Variants in PPM1B observed in about 807,000 individuals in gnomAD.
PPM1B encodes the protein protein phosphatase, Mg2+/Mn2+ dependent 1B, also known as protein phosphatase 1B.
PPM1B carries 22 observed loss-of-function variants against 43.0 expected under a neutral mutation model. The observed-to-expected ratio is 0.51, with a 90% CI of 0.37 to 0.73. The LOEUF is 0.73. Ranked by LOEUF, PPM1B falls within the 30% of genes least tolerant of loss-of-function variation. The probability of loss-of-function intolerance (pLI) is 0.00; values close to 1 mark genes in which losing one functional copy is unlikely to be tolerated. For missense variants in PPM1B, 632 were observed against 584.2 expected, an observed-to-expected ratio of 1.08 and a Z score of -0.84; for synonymous variants, 217 against 197.9, an observed-to-expected ratio of 1.10 and a Z score of -0.81.
chr2:44,209,500 G>A, intron 3 of PPM1B, 173 bp downstream of exon 3: 1 of 775,796 alleles, frequency 1.3e-6, no homozygotes, highest in South Asian at 2.1e-5. Flanking sequence ...AAAATTTCCT[G>A]GTCAGGCGCA....
chr2:44,184,204 C>G (rs548269537), intron 1 of PPM1B, among the ~76,000 whole-genome samples: 2 of 152,328 alleles, frequency 1.3e-5, no homozygotes, highest in South Asian at 2.1e-4. Flanking sequence ...CAATTCTTAG[C>G]ACACAGAAAA....
Position 44,231,257 on chromosome 2 carries a change from T to C in PPM1B, c.*539T>C, listed in dbSNP as rs1399391568. ...TTTTACATCTCTGTAGTTTTATTTT[T>C]AGAAGTTGTGAGATATTGGATGTGT... On this transcript the variant is annotated 3_prime_UTR_variant, in exon 6 of 6. Coordinates refer to ENST00000282412, the MANE Select transcript of PPM1B (RefSeq NM_002706.6). 19 of 978,650 alleles carry C rather than the reference T, an allele frequency of 1.9e-5. No homozygotes were observed. Among genetic ancestry groups the C allele is most frequent in the Non-Finnish European group, 2.3e-5 (19 of 823,834 alleles). The allele number at this position is 978,650 out of a possible 1,614,324, so 60.6% of individuals were successfully genotyped here.
At chr2:44,175,218 C>T (rs1667525387) in intron 1 of PPM1B, among the ~76,000 whole-genome samples, 1 of 152,136 alleles carries the variant, frequency 6.6e-6, no homozygotes, top group Non-Finnish European at 1.5e-5. Flanking sequence ...CGCGCCACTG[C>T]ATTCCAGCCT....
At chr2:44,204,777 T>C (rs1325924471) in intron 2 of PPM1B, among the ~76,000 whole-genome samples, 1 of 143,178 alleles carries the variant, frequency 7.0e-6, no homozygotes, top group Non-Finnish European at 1.5e-5. Flanking sequence ...GAGAATGACT[T>C]GAACCCGGGA....
chr2:44,207,828 T>C (rs1320462065), intron 2 of PPM1B, among the ~76,000 whole-genome samples: 1 of 151,214 alleles, frequency 6.6e-6, no homozygotes, highest in East Asian at 1.9e-4. Flanking sequence ...AATAGTCTGC[T>C]CACCGAGGCC....
chr2:44,184,974 A>G (rs922088273), intron 1 of PPM1B, among the ~76,000 whole-genome samples: 1 of 149,296 alleles, frequency 6.7e-6, no homozygotes, highest in Non-Finnish European at 1.5e-5. Flanking sequence ...ACCGGCCACT[A>G]GATACTGTTG....
intron 1 of PPM1B, among the ~76,000 whole-genome samples, chr2:44,195,083 G>A (rs959540650): frequency 1.3e-5 from 2 of 151,856 alleles, no homozygotes; most frequent in Admixed American, 6.6e-5. Context: ...AGTAGAGACA[G>A]GGTTTCACCA....
At chr2:44,181,911 C>G (rs553466953) in intron 1 of PPM1B, among the ~76,000 whole-genome samples, 1 of 152,050 alleles carries the variant, frequency 6.6e-6, no homozygotes, top group African/African-American at 2.4e-5. Context: ...GACCCCACTT[C>G]CCTTTTTCAG....
At chr2:44,228,863 A>G (rs138188435) in intron 5 of PPM1B, among the ~76,000 whole-genome samples, 3 of 152,056 alleles carry the variant, frequency 2.0e-5, no homozygotes, top group Admixed American at 1.3e-4. Context: ...ACCTGTAAAC[A>G]TTTAAGCATG....
chr2:44,244,943 T>A (rs1235466888), downstream of PPM1B, among the ~76,000 whole-genome samples: 1 of 151,516 alleles, frequency 6.6e-6, no homozygotes, highest in Non-Finnish European at 1.5e-5. Flanking sequence ...GCGGGACACG[T>A]GAATCTGGCA....
chr2:44,209,430 T>TA (rs1669351587), intron 3 of PPM1B, 103 bp downstream of exon 3: 4 of 1,183,550 alleles, frequency 3.4e-6, no homozygotes, highest in Non-Finnish European at 4.5e-6. Context: ...AGGCTCTGTC[T>TA]CAAAAAAAAA....
chr2:44,219,572 T>C (rs1020353482), intron 5 of PPM1B, among the ~76,000 whole-genome samples: 6 of 152,320 alleles, frequency 3.9e-5, no homozygotes, highest in Non-Finnish European at 7.3e-5. Flanking sequence ...TGCTATATAT[T>C]GCTAATTATA....
chr2:44,186,965 A>G (rs1308210388), intron 1 of PPM1B, among the ~76,000 whole-genome samples: 1 of 152,260 alleles, frequency 6.6e-6, no homozygotes, highest in Admixed American at 6.5e-5. Context: ...TGCTGCAAAA[A>G]AGAAAAATAA....
intron 1 of PPM1B, among the ~76,000 whole-genome samples, chr2:44,195,046 C>G (rs1418295311): frequency 6.6e-6 from 1 of 151,904 alleles, no homozygotes; most frequent in East Asian, 1.9e-4. Flanking sequence ...CGCTTGCCAC[C>G]ACACCAGGGC....
downstream of PPM1B, chr2:44,233,175 C>T (rs1273105772): frequency 3.2e-6 from 3 of 952,254 alleles, no homozygotes; most frequent in African/African-American, 3.6e-5. Context: ...TTAATTTTTT[C>T]AGCTTTTAAG....
In PPM1B at chr2:44,201,341, C is replaced by G; in HGVS notation, c.142C>G (p.His48Asp). 6.2e-7 allele frequency: 1 copy of G among 1,614,116 alleles called. No homozygotes were observed. Among genetic ancestry groups the G allele is most frequent in the Non-Finnish European group, 8.5e-7 (1 of 1,180,018 alleles). The change falls in exon 2 of 6, where the codon CAC (histidine) becomes GAC (aspartate). Residue 48 changes from histidine (H) to aspartate (D), a missense_variant. Physicochemically the swap from His to Asp is moderately conservative, Grantham distance 81. This residue lies in a region of PPM1B where 200 missense variants were observed against 200.7 expected (regional missense o/e 1.00). Coordinates refer to ENST00000282412, the MANE Select transcript of PPM1B (RefSeq NM_002706.6). This position sits in a 1 kb window ranked among gnomAD's most constrained non-coding sequence, Gnocchi z 5.4. ...DAHTAVVGIPHGLEDWSFFAV... is the reference protein window; with the variant it reads ...DAHTAVVGIPDGLEDWSFFAV... The stretch of plus-strand genomic sequence containing the variant: ...ACACACAGCTGTTGTAGGTATTCCT[C>G]ACGGCTTGGAAGACTGGTCATTTTT...
At chr2:44,193,188 T>G (rs1288158869) in intron 1 of PPM1B, among the ~76,000 whole-genome samples, 1 of 152,172 alleles carries the variant, frequency 6.6e-6, no homozygotes, top group Non-Finnish European at 1.5e-5. Context: ...CCACCATCAG[T>G]GTACAAAGGT....
intron 5 of PPM1B, chr2:44,218,846 G>A (rs1294693863): frequency 6.5e-6 from 3 of 462,766 alleles, no homozygotes; most frequent in Non-Finnish European, 1.3e-5. Context: ...TAATTTTGAG[G>A]CAAGAATGCT....
chr2:44,213,013 CAAAAAAA>C lies in PPM1B; in HGVS notation c.964+3700_964+3706del, dbSNP rs57091283. Among the ~76,000 whole-genome samples the C allele has an allele frequency of 9.6e-3, 628 of 65,322 alleles. 5 individuals are homozygous for C. The highest frequency in any genetic ancestry group is 0.017 in the Admixed American group (92 of 5,568). 42.9% of individuals were successfully genotyped at this position (65,322 alleles called of 152,430 possible). On this transcript the variant is annotated intron_variant, in intron 3 of 5. Transcript: ENST00000282412. Reference sequence around the variant, plus strand: ...GGGCGACAGAGCAAGACTCCGTTTCCAAAAAAAAAAAAAAAAAAAATTCCATTTAGTA... The same window carrying C: ...GGGCGACAGAGCAAGACTCCGTTTCCAAAAAAAAAAAAATTCCATTTAGTA...
Sources: allele counts gnomAD v4.1 joint callset (sites outside exome capture counted in the v4.1 genomes callset), GRCh38; gene constraint gnomAD v4.1.1; regional missense constraint gnomAD v4.1.1; non-coding constraint Gnocchi (gnomAD v3.1); transcripts MANE v1.5; gene names NCBI Gene and HGNC (gene_info 2026-07-23, HGNC 2026-07-21).